MAP4K4: variants seen among roughly 807,000 people sequenced by gnomAD.
MAP4K4 encodes mitogen-activated protein kinase kinase kinase kinase 4.
In MAP4K4, 38 loss-of-function variants were observed where a neutral mutation model predicts 189.6. That is an observed-to-expected ratio of 0.20 (90% CI 0.15 to 0.26). MAP4K4 has a LOEUF of 0.26. MAP4K4 is among the 10% of genes least tolerant of loss of function. The probability of loss-of-function intolerance (pLI) is 1.00; values close to 1 mark genes in which losing one functional copy is unlikely to be tolerated. For synonymous variants in MAP4K4, 610 were observed against 624.3 expected (o/e 0.98, Z 0.34); for missense variants, 1,054 against 1,726.9 (o/e 0.61, Z 6.91).
chr2:101,888,093 C>T (rs1189338756), intron 31 of MAP4K4, among the ~76,000 whole-genome samples, 156 bp downstream of exon 31: 5 of 152,084 alleles, frequency 3.3e-5, no homozygotes, highest in Admixed American at 6.5e-5. Flanking sequence ...GATTGTAGGC[C>T]GTGGAAATAG....
chr2:101,880,772 A>T (rs1433436027), intron 27 of MAP4K4, among the ~76,000 whole-genome samples: 2 of 152,072 alleles, frequency 1.3e-5, no homozygotes, highest in Admixed American at 6.5e-5. Context: ...CCCATAAAGT[A>T]CTGGGATTAC....
At chr2:101,710,251 A>T (rs952162828) in intron 2 of MAP4K4, among the ~76,000 whole-genome samples, 1 of 152,228 alleles carries the variant, frequency 6.6e-6, no homozygotes, top group African/African-American at 2.4e-5. Flanking sequence ...CTAGGGCATG[A>T]CTCAGATTCT....
chr2:101,721,470 C>T, intron 2 of MAP4K4, among the ~76,000 whole-genome samples: 1 of 140,922 alleles, frequency 7.1e-6, no homozygotes, highest in Middle Eastern at 4.1e-3. Flanking sequence ...GAGTGTTGCT[C>T]TGTTGCCCAG....
At chr2:101,791,949 C>T (rs180972003) in intron 3 of MAP4K4, among the ~76,000 whole-genome samples, 46 of 152,250 alleles carry the variant, frequency 3.0e-4, no homozygotes, top group African/African-American at 9.9e-4. Context: ...AAAAGATTCT[C>T]CTTGACATAC....
exon 1 of MAP4K4, chr2:101,698,090 G>A: frequency 1.5e-6 from 2 of 1,324,900 alleles, no homozygotes; most frequent in Admixed American, 2.2e-5. Flanking sequence ...AATGGCGAAC[G>A]ACTCCCCTGC....
chr2:101,831,119 C>T (rs1436750631), intron 6 of MAP4K4, among the ~76,000 whole-genome samples: 2 of 152,158 alleles, frequency 1.3e-5, no homozygotes, highest in Non-Finnish European at 2.9e-5. Context: ...GCTCTGCCTC[C>T]CGTCCTTGAA....
chr2:101,707,680 GTTTTTTTTTTTTGTT>G (rs757152080), intron 2 of MAP4K4, among the ~76,000 whole-genome samples: 34 of 141,254 alleles, frequency 2.4e-4, no homozygotes, highest in South Asian at 6.7e-4. Context: ...GTCCAGCTAA[GTTTTTTTTTTTTGTT>G]TTTTTTTTTT....
chr2:101,711,802 G>C (rs945505892), intron 2 of MAP4K4, among the ~76,000 whole-genome samples: 1 of 151,864 alleles, frequency 6.6e-6, no homozygotes, highest in Admixed American at 6.6e-5. Context: ...CGTTTCATTA[G>C]TTTTCTAGTT....
chr2:101,764,267 T>C (rs2077659231), intron 2 of MAP4K4, among the ~76,000 whole-genome samples: 1 of 152,216 alleles, frequency 6.6e-6, no homozygotes, highest in African/African-American at 2.4e-5. Flanking sequence ...TAAAGTTCTT[T>C]CTGAAAAATT....
chr2:101,713,106 T>C (rs2046492342), intron 2 of MAP4K4, among the ~76,000 whole-genome samples: 3 of 151,310 alleles, frequency 2.0e-5, no homozygotes, highest in Admixed American at 6.6e-5. Flanking sequence ...GGTTTCATCA[T>C]GTTGGCCAGA....
chr2:101,855,632 C>A (rs887625541), intron 12 of MAP4K4, among the ~76,000 whole-genome samples: 2 of 151,416 alleles, frequency 1.3e-5, no homozygotes, highest in African/African-American at 2.4e-5. Flanking sequence ...ATGTATTTTT[C>A]TTCTGACTTA....
intron 2 of MAP4K4, among the ~76,000 whole-genome samples, chr2:101,700,419 A>G (rs2037749319): frequency 1.3e-5 from 2 of 152,230 alleles, no homozygotes; most frequent in Non-Finnish European, 2.9e-5. Context: ...CAAAGTCGGT[A>G]CAGTTGAGAA....
chr2:101,710,365 C>A (rs1345215883), intron 2 of MAP4K4, among the ~76,000 whole-genome samples: 1 of 152,198 alleles, frequency 6.6e-6, no homozygotes, highest in East Asian at 1.9e-4. Context: ...CCAGAAAAAT[C>A]TGACAGGTGT....
At chr2:101,859,951 G>A in intron 15 of MAP4K4, 87 bp downstream of exon 15, 1 of 1,305,184 alleles carries the variant, frequency 7.7e-7, no homozygotes, top group Non-Finnish European at 1.1e-6. Context: ...TTCTAGAACG[G>A]GCCATAGAGT....
intron 2 of MAP4K4, among the ~76,000 whole-genome samples, chr2:101,744,487 T>C (rs1174128234): frequency 2.0e-5 from 3 of 152,180 alleles, no homozygotes; most frequent in Admixed American, 6.5e-5. Flanking sequence ...TAATGAACTT[T>C]AGTTTTCTTT....
chr2:101,871,919 A>G (rs1390347840), intron 24 of MAP4K4, among the ~76,000 whole-genome samples: 1 of 152,204 alleles, frequency 6.6e-6, no homozygotes, highest in African/African-American at 2.4e-5. Context: ...TGTTCTGTAG[A>G]TAAGTATAGT....
At chr2:101,866,477 A>C (rs1377517535) in exon 19 of MAP4K4, 1 of 1,613,676 alleles carries the variant, frequency 6.2e-7, no homozygotes, top group East Asian at 2.2e-5. Flanking sequence ...GCTGGTGCCC[A>C]GACCTGGCAG....
intron 2 of MAP4K4, among the ~76,000 whole-genome samples, chr2:101,750,098 G>C (rs1382184958): frequency 6.7e-6 from 1 of 149,760 alleles, no homozygotes; most frequent in Non-Finnish European, 1.5e-5. Context: ...GGAAGTCAGT[G>C]TGGCGATTCC....
rs114233540 is a variant in MAP4K4 at position 101,745,459 on chromosome 2, G to T, written c.124-45261G>T. Among the ~76,000 whole-genome samples, 1,004 of 113,210 alleles carry T rather than the reference G, an allele frequency of 8.9e-3. 13 individuals carry two copies. Among genetic ancestry groups the T allele is most frequent in the African/African-American group, 0.033 (963 of 29,054 alleles). The allele number at this position is 113,210 out of a possible 152,430, so 74.3% of individuals were successfully genotyped here. A position where few individuals can be genotyped will look rare whatever the true frequency, so the allele number is the denominator to read the frequency against. Reference sequence around the variant, plus strand: ...CAGGTAAAAAAAAAAAAAAAAAAAAGTATTAGAATCTACATCTTCTGATTA... The same window carrying T: ...CAGGTAAAAAAAAAAAAAAAAAAAATTATTAGAATCTACATCTTCTGATTA... On this transcript the variant is annotated intron_variant, in intron 2 of 32. Transcript: ENST00000324219.
Sources: allele counts gnomAD v4.1 joint callset (sites outside exome capture counted in the v4.1 genomes callset), GRCh38; gene constraint gnomAD v4.1.1; transcripts MANE v1.5; gene names NCBI Gene and HGNC (gene_info 2026-07-23, HGNC 2026-07-21).